Variants in WWOX observed in about 807,000 individuals in gnomAD.
The protein encoded by WWOX is WW domain-containing oxidoreductase.
Under a neutral mutation model 46.2 loss-of-function variants are expected in WWOX, and 69 were observed. The ratio of observed to expected loss-of-function variants is 1.49; its 90% CI spans 1.23 to 1.82. The LOEUF (loss-of-function observed/expected upper bound fraction) is 1.82. WWOX is among the 40% of genes most tolerant of loss of function. The probability of loss-of-function intolerance (pLI) is 0.00; values close to 1 mark genes in which losing one functional copy is unlikely to be tolerated. For missense variants in WWOX, 919 were observed against 542.6 expected (o/e 1.69, Z -6.89); for synonymous variants, 359 against 202.6 (o/e 1.77, Z -6.56).
rs1043315339 is a variant in WWOX, at chr16:78,925,823, G to A, written c.1057-285785G>A. Among the ~76,000 whole-genome samples, 15 of 152,288 alleles carry A rather than the reference G, an allele frequency of 9.8e-5. No individual in the cohort carries two copies. The East Asian group carries it at 2.3e-3, about 24-fold the overall frequency. ...GCAGTGCTCAGAGGTAAAGAGCCTC[G>A]CTGAAGCCCTAGTTCTAGCCTACCA... On this transcript the variant is annotated intron_variant, in intron 8 of 8. Transcript: ENST00000566780.
intron 5 of WWOX, among the ~76,000 whole-genome samples, chr16:78,195,741 G>A (rs551355800): frequency 7.0e-6 from 1 of 143,122 alleles, no homozygotes; most frequent in Non-Finnish European, 1.5e-5. Context: ...AGAATTGCTT[G>A]AACTCTGGAG....
intron 8 of WWOX, among the ~76,000 whole-genome samples, chr16:79,092,593 G>C (rs1366246263): frequency 6.6e-6 from 1 of 152,126 alleles, no homozygotes; most frequent in Non-Finnish European, 1.5e-5. Flanking sequence ...TGTGTAATTG[G>C]TCTTTAGCCT....
At chr16:78,735,190 C>G (rs955836880) in intron 8 of WWOX, among the ~76,000 whole-genome samples, 4 of 152,024 alleles carry the variant, frequency 2.6e-5, no homozygotes, top group African/African-American at 9.7e-5. Context: ...TTCCTGCCTT[C>G]AGACTTGAAC....
chr16:78,882,066 C>T, intron 8 of WWOX, among the ~76,000 whole-genome samples: 1 of 151,696 alleles, frequency 6.6e-6, no homozygotes, highest in Admixed American at 6.6e-5. Context: ...ACGGAGGTTG[C>T]AGCGAGCCGA....
intron 8 of WWOX, among the ~76,000 whole-genome samples, chr16:79,069,737 C>G (rs138054681): frequency 6.6e-6 from 1 of 152,128 alleles, no homozygotes; most frequent in African/African-American, 2.4e-5. Flanking sequence ...CATAGATGGC[C>G]AATGTCTGTG....
At chr16:78,713,537 G>A (rs77369196) in intron 8 of WWOX, among the ~76,000 whole-genome samples, 3,595 of 152,186 alleles carry the variant, frequency 0.024, 141 homozygotes, top group African/African-American at 0.083. Context: ...GTTAAAATGA[G>A]GTTGCTTGGA....
intron 8 of WWOX, among the ~76,000 whole-genome samples, chr16:79,134,549 C>T (rs1162970878): frequency 6.6e-6 from 1 of 152,158 alleles, no homozygotes; most frequent in Non-Finnish European, 1.5e-5. Context: ...GGGCCTCTTC[C>T]TCATTGCTGC....
rs191053903 is a variant in WWOX at position 78,536,316 on chromosome 16, A to G, written c.1056+103564A>G. Among the ~76,000 whole-genome samples the G allele has an allele frequency of 4.6e-3, 694 of 152,188 alleles. 9 individuals are homozygous for G. The highest frequency in any genetic ancestry group is 0.016 in the African/African-American group (678 of 41,528). ...CTGAGTTTCTCAGCTAAATGAAGGC[A>G]TGAGGACTGTATCCCTCCTGAAGGG... is the stretch of plus-strand genomic sequence containing the variant. On this transcript the variant is annotated intron_variant, in intron 8 of 8. Transcript: ENST00000566780.
At chr16:78,672,987 G>A (rs531625425) in intron 8 of WWOX, among the ~76,000 whole-genome samples, 6 of 152,336 alleles carry the variant, frequency 3.9e-5, no homozygotes, top group African/African-American at 7.2e-5. Flanking sequence ...GGCCACCGCC[G>A]CCGTGTGTCA....
chr16:78,562,055 G>T (rs151290513), intron 8 of WWOX, among the ~76,000 whole-genome samples: 11 of 152,272 alleles, frequency 7.2e-5, no homozygotes, highest in African/African-American at 2.6e-4. Flanking sequence ...GCCCCGTGGA[G>T]GCATATGCTG....
At chr16:78,859,050 G>GTATATATA (rs1163926433) in intron 8 of WWOX, among the ~76,000 whole-genome samples, 15 of 40,838 alleles carry the variant, frequency 3.7e-4, no homozygotes, top group East Asian at 1.8e-3. Flanking sequence ...ATATATATAT[G>GTATATATA]TATATATATA....
At chr16:78,564,764 T>A (rs1214952539) in intron 8 of WWOX, among the ~76,000 whole-genome samples, 1 of 152,224 alleles carries the variant, frequency 6.6e-6, no homozygotes, top group Non-Finnish European at 1.5e-5. Context: ...TTCACCTATT[T>A]CCTTATTTGT....
intron 8 of WWOX, among the ~76,000 whole-genome samples, chr16:78,820,960 C>T (rs759272659): frequency 6.6e-6 from 1 of 152,158 alleles, no homozygotes; most frequent in Non-Finnish European, 1.5e-5. Flanking sequence ...CTGTCTCTTA[C>T]AAGGACACCA....
intron 6 of WWOX, among the ~76,000 whole-genome samples, chr16:78,402,431 A>G (rs1254322542): frequency 2.6e-5 from 4 of 152,164 alleles, no homozygotes; most frequent in Non-Finnish European, 5.9e-5. Flanking sequence ...AGATGCTGCT[A>G]TGAACATTAT....
At chr16:78,894,351 G>T (rs2044655628) in intron 8 of WWOX, among the ~76,000 whole-genome samples, 1 of 152,188 alleles carries the variant, frequency 6.6e-6, no homozygotes, top group Admixed American at 6.5e-5. Context: ...CTCCAGCACA[G>T]CAAAGGATAC....
intron 8 of WWOX, among the ~76,000 whole-genome samples, chr16:78,766,287 C>T (rs1177791411): frequency 6.6e-6 from 1 of 152,140 alleles, no homozygotes; most frequent in East Asian, 1.9e-4. Context: ...TCCTGTGTGT[C>T]GCTAGCCTTA....
intron 6 of WWOX, among the ~76,000 whole-genome samples, chr16:78,398,863 T>A (rs761203213): frequency 3.9e-5 from 6 of 152,226 alleles, no homozygotes; most frequent in Non-Finnish European, 8.8e-5. Context: ...AAAAAGTGAA[T>A]TTTAACCTGT....
chr16:78,320,762 G>C (rs764019704), intron 5 of WWOX, among the ~76,000 whole-genome samples: 97 of 152,222 alleles, frequency 6.4e-4, no homozygotes, highest in Non-Finnish European at 1.1e-3. Flanking sequence ...GCAGAAGATG[G>C]TATACCTTGC....
chr16:78,204,319 C>G (rs930564288), intron 5 of WWOX, among the ~76,000 whole-genome samples: 1 of 151,652 alleles, frequency 6.6e-6, no homozygotes, highest in African/African-American at 2.4e-5. Flanking sequence ...GGGGTACATC[C>G]GATGTTTTGA....
Sources: allele counts gnomAD v4.1 joint callset (sites outside exome capture counted in the v4.1 genomes callset), GRCh38; gene constraint gnomAD v4.1.1; transcripts MANE v1.5; gene names NCBI Gene and HGNC (gene_info 2026-07-23, HGNC 2026-07-21).